WDR48: variants seen among roughly 807,000 people sequenced by gnomAD.
WDR48 encodes the protein WD repeat domain 48, also known as WD repeat-containing protein 48.
WDR48 carries 22 observed loss-of-function variants against 94.0 expected under a neutral mutation model. That is an observed-to-expected ratio of 0.23 (90% CI 0.17 to 0.33). The LOEUF is 0.33. Ranked by LOEUF, WDR48 falls within the 10% of genes least tolerant of loss-of-function variation. WDR48 has a pLI of 1.00. For missense variants in WDR48, 541 were observed against 813.8 expected, an observed-to-expected ratio of 0.66 and a Z score of 4.08; for synonymous variants, 278 against 280.5, an observed-to-expected ratio of 0.99 and a Z score of 0.09.
At chr3:39,068,116 A>G (rs1180620909) in intron 5 of WDR48, among the ~76,000 whole-genome samples, 1 of 152,238 alleles carries the variant, frequency 6.6e-6, no homozygotes. Flanking sequence ...TAATAAAAAT[A>G]ATACTAATAA....
intron 1 of WDR48, among the ~76,000 whole-genome samples, chr3:39,061,704 A>C (rs2033273227): frequency 6.6e-6 from 1 of 152,166 alleles, no homozygotes; most frequent in South Asian, 2.1e-4. Flanking sequence ...GAACTACTTT[A>C]CACTCCCACC....
chr3:39,081,325 A>G (rs2125672019), intron 11 of WDR48, among the ~76,000 whole-genome samples: 1 of 152,314 alleles, frequency 6.6e-6, no homozygotes, highest in African/African-American at 2.4e-5. Flanking sequence ...CTGAACAGAA[A>G]CCTTGGCTTG....
intron 1 of WDR48, among the ~76,000 whole-genome samples, chr3:39,057,665 A>C (rs2032981684): frequency 6.6e-6 from 1 of 152,006 alleles, no homozygotes; most frequent in South Asian, 2.1e-4. Flanking sequence ...ACTCTGTCTT[A>C]AGGCTGGAGT....
chr3:39,088,121 T>C lies in WDR48; in HGVS notation c.1475-7T>C. The C allele has an allele frequency of 3.1e-6, 5 of 1,613,978 alleles. No homozygotes were observed. The highest frequency in any genetic ancestry group is 4.2e-6 in the Non-Finnish European group (5 of 1,179,860). ...CTGATATTAACACCACCTGCATCTT[T>C]TCCTAGTAAATGGGGAGCAGGAGAA... On this transcript the variant is annotated splice_polypyrimidine_tract_variant and splice_region_variant and intron_variant, in intron 14 of 18. Transcript: ENST00000302313.
At chr3:39,072,470 G>A (rs2033994690) in intron 7 of WDR48, among the ~76,000 whole-genome samples, 1 of 152,136 alleles carries the variant, frequency 6.6e-6, no homozygotes, top group Admixed American at 6.5e-5. Context: ...TCGTCCACTT[G>A]GCTGATCTCT....
In WDR48 at chr3:39,079,711, G is replaced by A. The variant is rs1196047481; in HGVS notation, c.1076G>A (p.Gly359Glu). The A allele has an allele frequency of 6.5e-7, 1 of 1,535,942 alleles. No individual in the cohort carries two copies. Among genetic ancestry groups the A allele is most frequent in the Non-Finnish European group, 8.7e-7 (1 of 1,149,436 alleles). ...CAATTGTGTTTTTTTTTCCCATTAG[G>A]GGGTGCTAGTATTATTCAGTGCCAC... ...LCTQPDQVIK[G>E]GASIIQCHIL... Residue 359 changes from glycine to glutamate, a missense_variant and splice_region_variant, in exon 11 of 19, where the codon GGG (glycine) becomes GAG (glutamate). Coordinates refer to ENST00000302313, the MANE Select transcript of WDR48 (RefSeq NM_020839.4).
rs1559604420 is a variant in WDR48 at position 39,066,785 on chromosome 3, C to T, written c.391C>T (p.Leu131=). 2.5e-6 allele frequency: 4 copies of T among 1,613,812 alleles called. No individual in the cohort carries two copies. The highest frequency in any genetic ancestry group is 3.4e-6 in the Non-Finnish European group (4 of 1,179,908). The change falls in exon 5 of 19, where the codon CTA becomes TTA. Residue 131 remains leucine (L), a synonymous_variant. Coordinates refer to ENST00000302313, the MANE Select transcript of WDR48 (RefSeq NM_020839.4). The part of the protein sequence containing the change: ...KALAYAKDKE[L]VASAGLDRQI... ...CTTAGCATATGCCAAGGATAAAGAA[C>T]TAGTAGCATCAGCTGGGTTGGACAG...
intron 1 of WDR48, among the ~76,000 whole-genome samples, chr3:39,060,405 AGT>A (rs548062247): frequency 3.5e-5 from 5 of 142,710 alleles, no homozygotes; most frequent in South Asian, 4.4e-4. Flanking sequence ...GTGTCAGTAC[AGT>A]GTGTGTGTGT....
Position 39,094,028 on chromosome 3 carries a change from T to C in WDR48, c.1900T>C (p.Leu634=), listed in dbSNP as rs776862278. The part of the protein sequence containing the change: ...EQEKEEDIAV[L]AEEKIELLCQ... ...GGAAAAAGAAGAAGATATTGCTGTG[T>C]TGGCAGAGGAGAAAATTGAACTTTT... The change falls in exon 18 of 19, where the codon TTG becomes CTG. Residue 634 remains leucine (L), a synonymous_variant. Transcript: ENST00000302313. 6.2e-7 allele frequency: 1 copy of C among 1,613,080 alleles called. No individual in the cohort carries two copies.
rs1336114206 is a variant in WDR48 at position 39,074,933 on chromosome 3, A to G, written c.880A>G (p.Lys294Glu). The G allele has an allele frequency of 1.9e-6, 3 of 1,614,086 alleles. No individual in the cohort carries two copies. Among genetic ancestry groups the G allele is most frequent in the African/African-American group, 1.3e-5 (1 of 74,928 alleles). The change falls in exon 8 of 19, where the codon AAA becomes GAA. Residue 294 changes from lysine (K) to glutamate (E), a missense_variant. Transcript: ENST00000302313. The stretch of plus-strand genomic sequence containing the variant: ...CATTCGGGTGCTAATTTGTGAAGAA[A>G]AAGCACCAGTTCTCAAGGTATGTCA... ...PDIRVLICEE[K>E]APVLKMELDR...
chr3:39,077,764 A>C (rs1389370023), intron 9 of WDR48, among the ~76,000 whole-genome samples: 1 of 152,260 alleles, frequency 6.6e-6, no homozygotes, highest in Non-Finnish European at 1.5e-5. Flanking sequence ...TGTAGGTAAC[A>C]AAAGAGAAGG....
chr3:39,061,871 T>C (rs200442785), intron 1 of WDR48, among the ~76,000 whole-genome samples: 15,702 of 125,190 alleles, frequency 0.13, 1,028 homozygotes, highest in East Asian at 0.22. Context: ...CATTTTTTCT[T>C]GTGTCTGCTG....
At position 39,085,575 on chromosome 3, in the gene WDR48, A is replaced by G. The variant is rs1158645522; in HGVS notation, c.1439A>G (p.Asn480Ser). Residue 480 changes from asparagine (N) to serine (S), a missense_variant, in exon 14 of 19, where the codon AAT becomes AGT. Physicochemically the swap from Asn to Ser is conservative, Grantham distance 46. Transcript: ENST00000302313. The part of the protein sequence containing the change: ...LLEYWPRTHV[N>S]PMDEEENEVN... The stretch of plus-strand genomic sequence containing the variant: ...GAATATTGGCCTAGAACACATGTGA[A>G]TCCAATGGATGAAGAGGAAAATGAA... The G allele has an allele frequency of 6.2e-7, 1 of 1,612,134 alleles. No individual in the cohort carries two copies.
chr3:39,088,255 G>A (rs1559625712), intron 15 of WDR48, 22 bp downstream of exon 15: 1 of 1,609,638 alleles, frequency 6.2e-7, no homozygotes, highest in Admixed American at 1.7e-5. Flanking sequence ...AAAGACAAGA[G>A]GTTCTGCCTG....
chr3:39,077,085 C>A, intron 8 of WDR48, 54 bp from the exon 9 acceptor site: 2 of 1,589,002 alleles, frequency 1.3e-6, no homozygotes, highest in African/African-American at 1.3e-5. Flanking sequence ...CTAGTCCTGG[C>A]AGTTCAGAAG....
At chr3:39,094,436 G>A (rs2035237789) in intron 18 of WDR48, 1 of 1,529,106 alleles carries the variant, frequency 6.5e-7, no homozygotes, top group Non-Finnish European at 8.7e-7. Context: ...CTGAAAGATG[G>A]CCTGGTGTTT....
intron 8 of WDR48, among the ~76,000 whole-genome samples, chr3:39,076,016 A>G (rs1382438009): frequency 6.6e-6 from 1 of 152,174 alleles, no homozygotes; most frequent in East Asian, 1.9e-4. Context: ...AAGTTTTAAA[A>G]TGGAGGCAGA....
rs991142561 is a variant in WDR48, at chr3:39,052,154, C to A, written c.48+81C>A. 2.6e-6 allele frequency: 4 copies of A among 1,566,728 alleles called. No individual in the cohort carries two copies. The Admixed American group carries it at 5.2e-5, about 20-fold the overall frequency. ...TCCAGCTAGAAGGTGCCCGGCGCCA[C>A]GACCAGCTGGGGTAGCGGCATGGGG... On this transcript the variant is annotated intron_variant, in intron 1 of 18. Transcript: ENST00000302313.
At chr3:39,068,673 A>G in intron 5 of WDR48, 98 bp from the exon 6 acceptor site, 1 of 765,630 alleles carries the variant, frequency 1.3e-6, no homozygotes, top group Non-Finnish European at 2.2e-6. Context: ...ACTTATAAAG[A>G]TAAGATTTTC....
Sources: gnomAD v4.1 joint callset for allele counts (sites outside exome capture counted in the v4.1 genomes callset) on GRCh38, gnomAD v4.1.1 for gene constraint, MANE v1.5 for transcripts, NCBI Gene and HGNC (gene_info 2026-07-23, HGNC 2026-07-21) for gene names.